The following CLRN1 variants were observed in gnomAD, a reference collection of about 807,000 sequenced individuals.
CLRN1 encodes the protein clarin 1.
Under a neutral mutation model 18.7 loss-of-function variants are expected in CLRN1, and 15 were observed. The observed-to-expected ratio is 0.80, with a 90% CI of 0.54 to 1.23. The LOEUF is 1.23. CLRN1 is among the 50% of genes most tolerant of loss of function. CLRN1 has a pLI of 0.00. For missense variants in CLRN1, 311 were observed against 277.5 expected (o/e 1.12, Z -0.86); for synonymous variants, 104 against 102.9 (o/e 1.01, Z -0.07).
intron 1 of CLRN1, among the ~76,000 whole-genome samples, chr3:150,946,277 A>G (rs761404662): frequency 1.3e-5 from 2 of 152,336 alleles, no homozygotes; most frequent in South Asian, 2.1e-4. Flanking sequence ...GGTAGGTACC[A>G]TTATTAAAAA....
chr3:150,956,097 C>T (rs577125621), intron 1 of CLRN1, among the ~76,000 whole-genome samples: 2 of 152,254 alleles, frequency 1.3e-5, no homozygotes, highest in Admixed American at 1.3e-4. Context: ...AACGGATGCC[C>T]TGCAATCTGT....
At position 150,968,133 on chromosome 3, in the gene CLRN1, C is replaced by A. The variant is rs370773191; in HGVS notation, c.253+4323G>T. On this transcript the variant is annotated intron_variant, in intron 1 of 2. Transcript: ENST00000327047. ...TGTTTTTGCCAGCTCATTGAACTATCTTGGCAATGAATAGATCAGTATATC... is the reference window on the plus strand; with the variant it reads ...TGTTTTTGCCAGCTCATTGAACTATATTGGCAATGAATAGATCAGTATATC... Among the ~76,000 whole-genome samples, 5 of 152,206 alleles carry A rather than the reference C, an allele frequency of 3.3e-5. 2 individuals are homozygous for A. The highest frequency in any genetic ancestry group is 6.5e-5 in the Admixed American group (1 of 15,300).
At chr3:150,972,920 CT>C (rs1364315807), upstream of CLRN1, 11 of 693,134 alleles carry the variant, frequency 1.6e-5, no homozygotes, top group Non-Finnish European at 2.8e-5. Flanking sequence ...TCCTTTTCTG[CT>C]GCTTCTTCTC....
At chr3:150,930,436 T>C (rs1394579356) in intron 2 of CLRN1, among the ~76,000 whole-genome samples, 1 of 152,150 alleles carries the variant, frequency 6.6e-6, no homozygotes, top group Non-Finnish European at 1.5e-5. Flanking sequence ...GACTGGCCAA[T>C]CAGCTTAATC....
intron 1 of CLRN1, among the ~76,000 whole-genome samples, chr3:150,957,269 ACACCACC>A (rs948842739): frequency 1.4e-5 from 2 of 142,812 alleles, no homozygotes; most frequent in African/African-American, 5.3e-5. Context: ...ACACACACAC[ACACCACC>A]CCACCCGAAG....
intron 2 of CLRN1, among the ~76,000 whole-genome samples, chr3:150,933,579 G>A (rs1354298573): frequency 6.6e-6 from 1 of 152,174 alleles, no homozygotes; most frequent in African/African-American, 2.4e-5. Context: ...CTGTCTGTGT[G>A]TGTTTCTGAA....
intron 2 of CLRN1, among the ~76,000 whole-genome samples, chr3:150,931,754 G>A (rs1362467313): frequency 6.6e-6 from 1 of 152,182 alleles, no homozygotes; most frequent in Non-Finnish European, 1.5e-5. Flanking sequence ...AGTCCTACAT[G>A]TCTCTCTCCT....
chr3:150,963,684 C>A (rs537384138), intron 1 of CLRN1, among the ~76,000 whole-genome samples: 256 of 152,224 alleles, frequency 1.7e-3, no homozygotes, highest in Non-Finnish European at 2.9e-3. Flanking sequence ...TCTACAGTAA[C>A]CAAAACAGCA....
chr3:150,944,429 T>G (rs1576633670), intron 1 of CLRN1, among the ~76,000 whole-genome samples: 1 of 149,330 alleles, frequency 6.7e-6, no homozygotes, highest in Admixed American at 6.7e-5. Context: ...CACAAGGGGG[T>G]GGGGAAGAAC....
intron 1 of CLRN1, 92 bp downstream of exon 1, chr3:150,972,364 T>TA: frequency 6.4e-7 from 1 of 1,570,026 alleles, no homozygotes; most frequent in Non-Finnish European, 8.7e-7. Flanking sequence ...AGTCCTGCAG[T>TA]AAACACGGCA....
At chr3:150,929,787 G>A (rs1713042642) in intron 2 of CLRN1, among the ~76,000 whole-genome samples, 1 of 152,106 alleles carries the variant, frequency 6.6e-6, no homozygotes, top group Non-Finnish European at 1.5e-5. Flanking sequence ...CAAATCCTCA[G>A]CCCACCCCAT....
chr3:150,966,719 T>C (rs1184850303), intron 1 of CLRN1, among the ~76,000 whole-genome samples: 1 of 152,194 alleles, frequency 6.6e-6, no homozygotes, highest in East Asian at 1.9e-4. Context: ...ATGAAATCCA[T>C]CTGGATCCTG....
intron 1 of CLRN1, among the ~76,000 whole-genome samples, chr3:150,967,723 G>A (rs767698147): frequency 6.6e-6 from 1 of 152,218 alleles, no homozygotes; most frequent in Non-Finnish European, 1.5e-5. Context: ...GTCATGACCA[G>A]TGAGTCACTT....
chr3:150,958,178 C>T (rs893730482), intron 1 of CLRN1, among the ~76,000 whole-genome samples: 1 of 152,192 alleles, frequency 6.6e-6, no homozygotes, highest in Non-Finnish European at 1.5e-5. Context: ...TCCCTCTCAA[C>T]TTTTTCCTTC....
At chr3:150,957,687 C>T (rs746739815) in intron 1 of CLRN1, among the ~76,000 whole-genome samples, 2 of 152,114 alleles carry the variant, frequency 1.3e-5, no homozygotes, top group Non-Finnish European at 1.5e-5. Flanking sequence ...GGGACGGAGT[C>T]TCGCTCTGTC....
chr3:150,954,487 T>G (rs930206842), intron 1 of CLRN1, among the ~76,000 whole-genome samples: 3 of 152,254 alleles, frequency 2.0e-5, no homozygotes, highest in African/African-American at 7.2e-5. Context: ...TATTGAGTTT[T>G]GAAAAGTCTT....
chr3:150,943,917 A>C, intron 1 of CLRN1: 1 of 1,612,364 alleles, frequency 6.2e-7, no homozygotes, highest in Non-Finnish European at 8.5e-7. Flanking sequence ...TCCCTCCTGC[A>C]AGAGGTTGAG....
chr3:150,945,526 T>C (rs1171628427), intron 1 of CLRN1: 3 of 1,287,054 alleles, frequency 2.3e-6, no homozygotes, highest in African/African-American at 3.0e-5. Context: ...CATATGTACA[T>C]ACATGAAATA....
intron 1 of CLRN1, among the ~76,000 whole-genome samples, chr3:150,943,195 G>A (rs1713959757): frequency 6.6e-6 from 1 of 152,144 alleles, no homozygotes; most frequent in Non-Finnish European, 1.5e-5. Context: ...GACGGGGCAG[G>A]TCCCTGGAAA....
Sources: gnomAD v4.1 joint callset for allele counts (sites outside exome capture counted in the v4.1 genomes callset) on GRCh38, gnomAD v4.1.1 for gene constraint, MANE v1.5 for transcripts, NCBI Gene and HGNC (gene_info 2026-07-23, HGNC 2026-07-21) for gene names.